The following PHKG1 variants were observed in gnomAD, a reference collection of about 807,000 sequenced individuals.
PHKG1 encodes the protein phosphorylase b kinase gamma catalytic chain, skeletal muscle/heart isoform.
A neutral mutation model predicts 50.5 loss-of-function variants in PHKG1; 48 were observed. That is an observed-to-expected ratio of 0.95 (90% CI 0.75 to 1.21). PHKG1 has a LOEUF of 1.21. PHKG1 is among the 50% of genes most tolerant of loss of function. The pLI is 0.00. For synonymous variants in PHKG1, 204 were observed against 212.8 expected, an observed-to-expected ratio of 0.96 and a Z score of 0.36; for missense variants, 487 against 519.5, an observed-to-expected ratio of 0.94 and a Z score of 0.61.
At chr7:56,086,576 C>T (rs921806064) in intron 4 of PHKG1, among the ~76,000 whole-genome samples, 1 of 151,148 alleles carries the variant, frequency 6.6e-6, no homozygotes, top group Non-Finnish European at 1.5e-5. Flanking sequence ...TCAACCTCCG[C>T]CTCCTGGGTT....
chr7:56,082,082 G>A (rs771992500), intron 7 of PHKG1, 36 bp from the exon 8 acceptor site: 17 of 1,609,286 alleles, frequency 1.1e-5, no homozygotes, highest in African/African-American at 4.0e-5. Flanking sequence ...CTTACCCAGC[G>A]CCAGGGGCAC....
chr7:56,081,252 G>T lies in PHKG1; in HGVS notation c.966C>A (p.Tyr322Ter). The change falls in exon 10 of 10, where the codon TAC becomes TAA. Residue 322 changes from tyrosine to a stop codon, truncating the protein, a stop_gained. Transcript: ENST00000297373. LOFTEE classifies it high-confidence loss of function. This position sits in a 1 kb window ranked among gnomAD's most constrained non-coding sequence, Gnocchi z 4.6. ...VLASVRIYYQ[Y>*]RRVKPVTREI... Reference sequence around the variant, plus strand: ...CCCGGGTCACAGGCTTCACCCGGCGGTACTGGTAGTAGATCCGCACTGAAG... The same window carrying T: ...CCCGGGTCACAGGCTTCACCCGGCGTTACTGGTAGTAGATCCGCACTGAAG... The T allele has an allele frequency of 1.2e-6, 2 of 1,613,068 alleles. No homozygotes were observed. Among genetic ancestry groups the T allele is most frequent in the South Asian group, 1.1e-5 (1 of 91,074 alleles).
rs1796326419 is a variant in PHKG1, at chr7:56,087,788, G to C, written c.84-12C>G. 6.2e-7 allele frequency: 1 copy of C among 1,600,448 alleles called. No homozygotes were observed. On this transcript the variant is annotated splice_polypyrimidine_tract_variant and intron_variant, in intron 2 of 9. Coordinates refer to ENST00000297373, the MANE Select transcript of PHKG1 (RefSeq NM_006213.5). ...CACTGCTAACGCCCCTGGGAGTGCA[G>C]AGGACAGATGGCCTCGGGGGGCCCC...
At chr7:56,087,408 A>C (rs1323408682) in intron 3 of PHKG1, among the ~76,000 whole-genome samples, 190 bp downstream of exon 3, 2 of 151,330 alleles carry the variant, frequency 1.3e-5, no homozygotes, top group African/African-American at 4.9e-5. Context: ...GGGACATCAA[A>C]CCCCCATTCC....
intron 1 of PHKG1, among the ~76,000 whole-genome samples, chr7:56,089,379 G>C (rs1032272502): frequency 6.6e-6 from 1 of 151,456 alleles, no homozygotes; most frequent in South Asian, 2.1e-4. Flanking sequence ...CAGCCTGGGC[G>C]ACACAGCCAG....
chr7:56,092,164 C>T (rs963922637), intron 1 of PHKG1, among the ~76,000 whole-genome samples: 2 of 152,208 alleles, frequency 1.3e-5, no homozygotes, highest in South Asian at 4.1e-4. Context: ...GTTATCTTGC[C>T]CCAGCCCCAG....
Position 56,080,752 on chromosome 7 carries a change from AG to A in PHKG1, c.*301del. 1 of 428,318 alleles carries A rather than the reference AG, an allele frequency of 2.3e-6. No homozygotes were observed. The allele number at this position is 428,318 out of a possible 1,614,324, so 26.5% of individuals were successfully genotyped here. A position where few individuals can be genotyped will look rare whatever the true frequency, so the allele number is the denominator to read the frequency against. On this transcript the variant is annotated 3_prime_UTR_variant, in exon 10 of 10. Transcript: ENST00000297373. Reference sequence around the variant, plus strand: ...CAGTAACTCTGGGCCTCCCCTAAAGAGAAATGGAGATGGTGGCTCATCTAGG... The same window carrying A: ...CAGTAACTCTGGGCCTCCCCTAAAGAAAATGGAGATGGTGGCTCATCTAGG...
At chr7:56,092,285 T>A (rs1796518375) in intron 1 of PHKG1, among the ~76,000 whole-genome samples, 1 of 152,094 alleles carries the variant, frequency 6.6e-6, no homozygotes, top group African/African-American at 2.4e-5. Flanking sequence ...GGCCCAGTCC[T>A]TTTTTTAGAC....
chr7:56,087,891 A>G (rs927382055), intron 2 of PHKG1, 115 bp from the exon 3 acceptor site: 48 of 778,730 alleles, frequency 6.2e-5, no homozygotes, highest in Admixed American at 4.9e-4. Context: ...CTTTCCCCCA[A>G]CTTCCTCTGA....
intron 3 of PHKG1, among the ~76,000 whole-genome samples, 185 bp downstream of exon 3, chr7:56,087,413 C>T (rs897687255): frequency 9.2e-5 from 14 of 152,026 alleles, no homozygotes; most frequent in Non-Finnish European, 2.1e-4. Context: ...ATCAAACCCC[C>T]ATTCCCCTGC....
chr7:56,082,359 G>A (rs3778867), intron 6 of PHKG1, 106 bp from the exon 7 acceptor site: 167,178 of 807,762 alleles, frequency 0.21, 19,302 homozygotes, highest in East Asian at 0.36. Flanking sequence ...TTGGGAGGCC[G>A]AGGCAGGTGG....
chr7:56,082,706 A>G (rs1046597197), intron 6 of PHKG1, among the ~76,000 whole-genome samples: 3 of 152,194 alleles, frequency 2.0e-5, no homozygotes, highest in African/African-American at 7.2e-5. Context: ...AGGGCGGGAT[A>G]CTGCCCACAG....
chr7:56,086,669 C>T (rs113649889), intron 4 of PHKG1, among the ~76,000 whole-genome samples: 2 of 151,560 alleles, frequency 1.3e-5, no homozygotes, highest in Admixed American at 6.6e-5. Context: ...TGAGCCACTG[C>T]GCCCGCCTGT....
chr7:56,086,834 T>C (rs1411337050), intron 4 of PHKG1, 136 bp downstream of exon 4: 2 of 720,558 alleles, frequency 2.8e-6, no homozygotes, highest in Non-Finnish European at 5.1e-6. Flanking sequence ...GGGGCTGATC[T>C]GTCTAAACAC....
intron 1 of PHKG1, among the ~76,000 whole-genome samples, chr7:56,091,298 C>T (rs1001384556): frequency 3.3e-5 from 5 of 151,924 alleles, no homozygotes; most frequent in African/African-American, 9.7e-5. Context: ...AGGAGGATCA[C>T]GAGGTCAGGA....
intron 5 of PHKG1, 82 bp from the exon 6 acceptor site, chr7:56,083,523 A>C (rs1037105866): frequency 5.8e-6 from 9 of 1,549,474 alleles, no homozygotes; most frequent in Non-Finnish European, 8.0e-6. Flanking sequence ...CATTTCAGCC[A>C]CACTGCAAGG....
chr7:56,082,966 C>A (rs1003879212), intron 6 of PHKG1, among the ~76,000 whole-genome samples: 4 of 151,932 alleles, frequency 2.6e-5, no homozygotes, highest in African/African-American at 9.7e-5. Flanking sequence ...ATTAGCCGAG[C>A]GTTGTGGCGC....
intron 3 of PHKG1, 70 bp from the exon 4 acceptor site, chr7:56,087,094 G>A (rs973349085): frequency 9.3e-6 from 11 of 1,182,358 alleles, no homozygotes; most frequent in African/African-American, 3.0e-5. Flanking sequence ...GGGCACGGGG[G>A]TCAGGGACCG....
At chr7:56,086,275 A>G (rs1345423851) in intron 4 of PHKG1, among the ~76,000 whole-genome samples, 1 of 152,046 alleles carries the variant, frequency 6.6e-6, no homozygotes, top group Admixed American at 6.6e-5. Flanking sequence ...ATAGCACTGA[A>G]GCCTATACTT....
Sources: gnomAD v4.1 joint callset for allele counts (sites outside exome capture counted in the v4.1 genomes callset) on GRCh38, gnomAD v4.1.1 for gene constraint, Gnocchi (gnomAD v3.1) non-coding constraint, MANE v1.5 for transcripts, NCBI Gene and HGNC (gene_info 2026-07-23, HGNC 2026-07-21) for gene names.